CRYL1: variants seen among roughly 807,000 people sequenced by gnomAD.
The protein encoded by CRYL1 is lambda-crystallin homolog.
CRYL1 carries 29 observed loss-of-function variants against 36.6 expected under a neutral mutation model. That is an observed-to-expected ratio of 0.79 (90% CI 0.59 to 1.08). The LOEUF (loss-of-function observed/expected upper bound fraction) is 1.08, where lower values mean the gene tolerates loss of function less well. Among genes scored for constraint, CRYL1 ranks in the 50% least tolerant of loss-of-function variants. CRYL1 has a pLI of 0.00. For missense variants in CRYL1, 411 were observed against 407.9 expected (o/e 1.01, Z -0.06); for synonymous variants, 152 against 151.5 (o/e 1.00, Z -0.02).
chr13:20,426,833 C>A, intron 5 of CRYL1: 1 of 985,534 alleles, frequency 1.0e-6, no homozygotes, highest in Non-Finnish European at 1.2e-6. Context: ...TCCAGATGCC[C>A]CAGACCACAC....
chr13:20,439,842 G>T, intron 3 of CRYL1, 88 bp from the exon 4 acceptor site: 1 of 1,277,928 alleles, frequency 7.8e-7, no homozygotes, highest in Non-Finnish European at 1.1e-6. Flanking sequence ...TTCCTCAAAT[G>T]AACCACTTTG....
At chr13:20,404,936 G>A (rs1442662529) in intron 6 of CRYL1, among the ~76,000 whole-genome samples, 195 bp from the exon 7 acceptor site, 1 of 152,134 alleles carries the variant, frequency 6.6e-6, no homozygotes, top group African/African-American at 2.4e-5. Context: ...TCCCCATTAC[G>A]CACTGTCCAC....
At chr13:20,446,174 C>T (rs1439034873) in intron 3 of CRYL1, among the ~76,000 whole-genome samples, 1 of 152,158 alleles carries the variant, frequency 6.6e-6, no homozygotes, top group African/African-American at 2.4e-5. Context: ...TGCAGTGGCA[C>T]AATCTTGGCT....
At chr13:20,445,658 A>G (rs1330460797) in intron 3 of CRYL1, among the ~76,000 whole-genome samples, 6 of 152,222 alleles carry the variant, frequency 3.9e-5, no homozygotes, top group Non-Finnish European at 7.3e-5. Context: ...GACTTTAGAA[A>G]TAGACCCTTA....
intron 2 of CRYL1, among the ~76,000 whole-genome samples, chr13:20,507,925 A>G (rs2033832437): frequency 6.6e-6 from 1 of 151,376 alleles, no homozygotes; most frequent in African/African-American, 2.4e-5. Context: ...ATCTCAAAAA[A>G]AAAAAGAAAA....
intron 3 of CRYL1, among the ~76,000 whole-genome samples, chr13:20,444,141 C>A (rs995544430): frequency 6.6e-6 from 1 of 152,122 alleles, no homozygotes; most frequent in Non-Finnish European, 1.5e-5. Context: ...AAAAAAGAAT[C>A]TTTTTGCTCT....
chr13:20,430,517 G>A, intron 5 of CRYL1: 1 of 985,402 alleles, frequency 1.0e-6, no homozygotes, highest in Non-Finnish European at 1.2e-6. Context: ...GACATCGTGA[G>A]TCAGCAGAAC....
chr13:20,453,068 A>G (rs915650899), intron 3 of CRYL1, among the ~76,000 whole-genome samples: 5 of 152,258 alleles, frequency 3.3e-5, no homozygotes, highest in African/African-American at 7.2e-5. Flanking sequence ...TTAAAAATCA[A>G]TAAGATTATA....
chr13:20,469,703 C>T (rs187863510), intron 3 of CRYL1, among the ~76,000 whole-genome samples: 3 of 152,288 alleles, frequency 2.0e-5, no homozygotes, highest in East Asian at 3.9e-4. Flanking sequence ...AGCATGACAA[C>T]GTTTAATTTC....
At chr13:20,507,779 G>C (rs765600691) in intron 2 of CRYL1, among the ~76,000 whole-genome samples, 1 of 152,022 alleles carries the variant, frequency 6.6e-6, no homozygotes, top group Admixed American at 6.6e-5. Context: ...TTAGCTGGGC[G>C]TGGTGGCGAG....
chr13:20,489,137 A>C lies in CRYL1; in HGVS notation c.276+233T>G, dbSNP rs559841430. ...TGTCACCAGAATCCCTAGTGGCCTC[A>C]CGGATAAGGCATTGGTCTCTTGAAA... On this transcript the variant is annotated intron_variant, in intron 3 of 7. Coordinates refer to ENST00000298248, the MANE Select transcript of CRYL1 (RefSeq NM_015974.3). Among the ~76,000 whole-genome samples, 179 of 152,216 alleles carry C rather than the reference A, an allele frequency of 1.2e-3. 5 individuals are homozygous for C. The highest frequency in any genetic ancestry group is 2.9e-4 in the Non-Finnish European group (20 of 68,038).
At chr13:20,482,674 GCC>G (rs1219625236) in intron 3 of CRYL1, among the ~76,000 whole-genome samples, 1 of 152,216 alleles carries the variant, frequency 6.6e-6, no homozygotes, top group Non-Finnish European at 1.5e-5. Flanking sequence ...ACTGGGCTTC[GCC>G]CCCTGGGGCT....
At chr13:20,431,654 G>A in intron 5 of CRYL1, 3 of 1,083,512 alleles carry the variant, frequency 2.8e-6, no homozygotes, top group Non-Finnish European at 3.4e-6. Context: ...ACTCTAACAA[G>A]TCTATTCATC....
intron 3 of CRYL1, among the ~76,000 whole-genome samples, chr13:20,475,100 C>T (rs1320513416): frequency 6.6e-6 from 1 of 152,162 alleles, no homozygotes; most frequent in Non-Finnish European, 1.5e-5. Flanking sequence ...AGAAGTCAGC[C>T]TCACAGACAG....
chr13:20,422,305 A>G (rs961720907), intron 5 of CRYL1, among the ~76,000 whole-genome samples: 3 of 151,002 alleles, frequency 2.0e-5, no homozygotes, highest in Admixed American at 6.6e-5. Context: ...GATTGCCATG[A>G]GCCGAGATCA....
chr13:20,422,152 A>G (rs1465872322), intron 5 of CRYL1, among the ~76,000 whole-genome samples: 1 of 152,140 alleles, frequency 6.6e-6, no homozygotes, highest in Non-Finnish European at 1.5e-5. Context: ...TGAGGTCAGG[A>G]GTTCAAGACC....
At chr13:20,498,650 G>A (rs924331659) in intron 2 of CRYL1, among the ~76,000 whole-genome samples, 10 of 152,182 alleles carry the variant, frequency 6.6e-5, no homozygotes, top group African/African-American at 2.4e-4. Flanking sequence ...GGTAAAATTT[G>A]GTTTTCTCTT....
At position 20,525,735 on chromosome 13, in the gene CRYL1, G is replaced by A. The variant is rs913789101; in HGVS notation, c.41+19C>T. The stretch of plus-strand genomic sequence containing the variant: ...CTCCCCGGGCTCCAGGGGCAGCAGC[G>A]CGGCTCGGAGCCCTTTACCTGCCAA... On this transcript the variant is annotated intron_variant, in intron 1 of 7. Coordinates refer to ENST00000298248, the MANE Select transcript of CRYL1 (RefSeq NM_015974.3). The surrounding 1 kb of genome is among the most constrained non-coding windows in gnomAD (Gnocchi z 4.3). The A allele has an allele frequency of 1.3e-5, 18 of 1,344,658 alleles. No homozygotes were observed. The highest frequency in any genetic ancestry group is 1.6e-5 in the Non-Finnish European group (17 of 1,043,822). 83.3% of individuals were successfully genotyped at this position (1,344,658 alleles called of 1,614,324 possible).
chr13:20,427,144 C>T (rs549122930), intron 5 of CRYL1: 22 of 985,444 alleles, frequency 2.2e-5, no homozygotes, highest in Middle Eastern at 5.2e-4. Flanking sequence ...TATGCTAATG[C>T]CTTAAAAATG....
Sources: gnomAD v4.1 joint callset for allele counts (sites outside exome capture counted in the v4.1 genomes callset) on GRCh38, gnomAD v4.1.1 for gene constraint, Gnocchi (gnomAD v3.1) non-coding constraint, MANE v1.5 for transcripts, NCBI Gene and HGNC (gene_info 2026-07-23, HGNC 2026-07-21) for gene names.